MBD5: variants seen among roughly 807,000 people sequenced by gnomAD.
The protein encoded by MBD5 is methyl-CpG binding domain protein 5.
A neutral mutation model predicts 117.3 loss-of-function variants in MBD5; 13 were observed. The ratio of observed to expected loss-of-function variants is 0.11; its 90% CI spans 0.07 to 0.18. The LOEUF (loss-of-function observed/expected upper bound fraction) is 0.18, where lower values mean the gene tolerates loss of function less well. Ranked by LOEUF, MBD5 falls within the 10% of genes least tolerant of loss-of-function variation. MBD5 has a pLI of 1.00. For missense variants in MBD5, 1,879 were observed against 2,093.8 expected (o/e 0.90, Z 2.00); for synonymous variants, 727 against 766.4 (o/e 0.95, Z 0.85).
At chr2:148,023,320 CAT>C (rs1186104567) in intron 1 of MBD5, among the ~76,000 whole-genome samples, 7 of 152,042 alleles carry the variant, frequency 4.6e-5, no homozygotes, top group African/African-American at 1.7e-4. Flanking sequence ...AAAGCTAAAA[CAT>C]ATATTTTAGT....
chr2:148,041,006 A>G (rs1276896537), intron 1 of MBD5, among the ~76,000 whole-genome samples: 1 of 152,120 alleles, frequency 6.6e-6, no homozygotes, highest in African/African-American at 2.4e-5. Context: ...TCTGTCACCC[A>G]GGCTGGAGTG....
At chr2:148,259,245 C>G (rs1558994784) in intron 3 of MBD5, among the ~76,000 whole-genome samples, 1 of 152,286 alleles carries the variant, frequency 6.6e-6, no homozygotes, top group Non-Finnish European at 1.5e-5. Flanking sequence ...TCACCTGCAA[C>G]CAACGTGCTG....
chr2:148,401,155 A>T lies in MBD5; in HGVS notation c.-556-57048A>T, dbSNP rs57234441. Among the ~76,000 whole-genome samples, 627 of 152,278 alleles carry T rather than the reference A, an allele frequency of 4.1e-3. 5 individuals are homozygous for T. Among genetic ancestry groups the T allele is most frequent in the African/African-American group, 0.014 (587 of 41,572 alleles). ...CATTTTTCATATCTGCCAACCAAGT[A>T]ATACTTTCAGAAAATGATTAAGATT... On this transcript the variant is annotated intron_variant, in intron 4 of 13. Transcript: ENST00000642680.
At chr2:148,240,671 A>T (rs576941121) in intron 3 of MBD5, among the ~76,000 whole-genome samples, 1 of 152,302 alleles carries the variant, frequency 6.6e-6, no homozygotes, top group African/African-American at 2.4e-5. Flanking sequence ...TGTCCCATAT[A>T]GTATTCAGGC....
intron 2 of MBD5, among the ~76,000 whole-genome samples, chr2:148,217,909 T>G (rs1230908101): frequency 6.6e-6 from 1 of 152,152 alleles, no homozygotes; most frequent in Non-Finnish European, 1.5e-5. Flanking sequence ...TCCATAACTG[T>G]TGTTGGTACT....
intron 1 of MBD5, among the ~76,000 whole-genome samples, chr2:148,061,323 C>G (rs1227434574): frequency 2.0e-5 from 3 of 151,862 alleles, no homozygotes; most frequent in Non-Finnish European, 4.4e-5. Context: ...TTTAGTGTTT[C>G]TCTTTTTAAG....
intron 2 of MBD5, among the ~76,000 whole-genome samples, chr2:148,229,379 G>A (rs1466488396): frequency 1.3e-5 from 2 of 151,988 alleles, no homozygotes; most frequent in Non-Finnish European, 2.9e-5. Context: ...AATCAGATAG[G>A]ATTCTGAATT....
At chr2:148,408,220 T>A (rs1206574181) in intron 4 of MBD5, among the ~76,000 whole-genome samples, 1 of 152,228 alleles carries the variant, frequency 6.6e-6, no homozygotes, top group African/African-American at 2.4e-5. Context: ...TGTATCAGGT[T>A]GCCATGGAAA....
chr2:148,357,978 T>C (rs1703429813), intron 4 of MBD5, among the ~76,000 whole-genome samples: 1 of 152,170 alleles, frequency 6.6e-6, no homozygotes, highest in Non-Finnish European at 1.5e-5. Flanking sequence ...TCAATGGGTC[T>C]TGTCTACTCT....
chr2:148,029,220 A>C (rs1433552048), intron 1 of MBD5, among the ~76,000 whole-genome samples: 3 of 151,916 alleles, frequency 2.0e-5, no homozygotes, highest in African/African-American at 7.3e-5. Flanking sequence ...AGAAGTATAA[A>C]ATTAAGCTTT....
intron 4 of MBD5, among the ~76,000 whole-genome samples, chr2:148,427,853 A>G (rs1308719620): frequency 2.0e-5 from 3 of 151,918 alleles, no homozygotes; most frequent in Non-Finnish European, 2.9e-5. Context: ...CACAAAAAAA[A>G]AAGAGCTATG....
chr2:148,104,895 T>C (rs573863839), intron 1 of MBD5, among the ~76,000 whole-genome samples: 6 of 152,190 alleles, frequency 3.9e-5, no homozygotes, highest in Non-Finnish European at 8.8e-5. Flanking sequence ...GCTTGTGAGT[T>C]AATATAATAG....
At chr2:148,410,809 G>A (rs540790565) in intron 4 of MBD5, among the ~76,000 whole-genome samples, 2 of 152,214 alleles carry the variant, frequency 1.3e-5, no homozygotes, top group African/African-American at 2.4e-5. Flanking sequence ...GCTATCAGTC[G>A]AATTTTAAGG....
chr2:148,104,195 T>A (rs1696308792), intron 1 of MBD5, among the ~76,000 whole-genome samples: 1 of 152,168 alleles, frequency 6.6e-6, no homozygotes, highest in Non-Finnish European at 1.5e-5. Context: ...TCCCCCTCAC[T>A]GGACCATAAG....
chr2:148,440,577 A>G (rs969446611), intron 4 of MBD5, among the ~76,000 whole-genome samples: 34 of 138,560 alleles, frequency 2.5e-4, no homozygotes, highest in Non-Finnish European at 4.3e-4. Context: ...ATTTTAGGAG[A>G]GTAAAAAAAG....
chr2:148,230,313 C>T (rs1206596909), intron 2 of MBD5, among the ~76,000 whole-genome samples: 2 of 152,142 alleles, frequency 1.3e-5, no homozygotes, highest in African/African-American at 2.4e-5. Flanking sequence ...GGCAGAAGAG[C>T]CTCACCCTAT....
chr2:148,289,040 A>G (rs1456035311), intron 3 of MBD5, among the ~76,000 whole-genome samples: 1 of 152,188 alleles, frequency 6.6e-6, no homozygotes, highest in African/African-American at 2.4e-5. Flanking sequence ...TTCTGAAACT[A>G]TTTATTTAAA....
intron 1 of MBD5, among the ~76,000 whole-genome samples, chr2:148,118,427 T>TA (rs11393692): frequency 0.021 from 3,108 of 145,546 alleles, 106 homozygotes; most frequent in East Asian, 0.12. Flanking sequence ...CTGGGCAACA[T>TA]AAAAAAAAAT....
chr2:148,028,379 C>A (rs1693954998), intron 1 of MBD5: 1 of 151,770 alleles, frequency 6.6e-6, no homozygotes, highest in Non-Finnish European at 1.5e-5. Context: ...AACTTAAGTT[C>A]ATGTGTAGCT....
Sources: allele counts gnomAD v4.1 joint callset (sites outside exome capture counted in the v4.1 genomes callset), GRCh38; gene constraint gnomAD v4.1.1; transcripts MANE v1.5; gene names NCBI Gene and HGNC (gene_info 2026-07-23, HGNC 2026-07-21).